MROH2A: variants seen among roughly 807,000 people sequenced by gnomAD.
MROH2A encodes maestro heat like repeat family member 2A, also known as maestro heat-like repeat-containing protein family member 2A.
Under a neutral mutation model 200.4 loss-of-function variants are expected in MROH2A, and 174 were observed. That is an observed-to-expected ratio of 0.87 (90% CI 0.77 to 0.98). MROH2A has a LOEUF of 0.98. Among genes scored for constraint, MROH2A ranks in the 50% least tolerant of loss-of-function variants. The pLI, the probability that MROH2A is intolerant of heterozygous loss-of-function variation, is 0.00. For missense variants in MROH2A, 2,045 were observed against 2,139.6 expected (o/e 0.96, Z 0.87); for synonymous variants, 829 against 840.4 (o/e 0.99, Z 0.23).
At chr2:233,797,938 A>T (rs1193467590) in intron 11 of MROH2A, among the ~76,000 whole-genome samples, 1 of 152,190 alleles carries the variant, frequency 6.6e-6, no homozygotes, top group African/African-American at 2.4e-5. Context: ...CTATGCAGCC[A>T]TATACTATTT....
Position 233,832,171 on chromosome 2 carries a change from T to C in MROH2A, c.4735-6T>C. The stretch of plus-strand genomic sequence containing the variant: ...CAAAGCTGTGTGTATCACTTACTTT[T>C]TGCAGACTCGGAAAAAGCCGGCTGT... On this transcript the variant is annotated splice_region_variant and splice_polypyrimidine_tract_variant and intron_variant, in intron 39 of 41. Transcript: ENST00000389758. The C allele has an allele frequency of 1.3e-6, 2 of 1,550,156 alleles. No individual in the cohort carries two copies. Among genetic ancestry groups the C allele is most frequent in the East Asian group, 4.9e-5 (2 of 40,920 alleles).
Position 233,828,685 on chromosome 2 carries a change from T to C in MROH2A, c.4169T>C (p.Leu1390Pro). 4.5e-6 allele frequency: 7 copies of C among 1,550,742 alleles called. No individual in the cohort carries two copies. The highest frequency in any genetic ancestry group is 5.2e-6 in the Non-Finnish European group (6 of 1,147,022). Residue 1390 changes from leucine to proline, a missense_variant, in exon 36 of 42, where the codon CTG becomes CCG. Physicochemically the swap from Leu to Pro is moderately conservative, Grantham distance 98 (BLOSUM62 -3). Coordinates refer to ENST00000389758, the MANE Select transcript of MROH2A (RefSeq NM_001394639.1). This position sits in a 1 kb window ranked among gnomAD's most constrained non-coding sequence, Gnocchi z 4.6. Reference sequence around the variant, plus strand: ...AAGCTGCTGAAGCCGGCAGCTTTGCTGCTGGAGAAGGGTGCCGACCAGGAG... The same window carrying C: ...AAGCTGCTGAAGCCGGCAGCTTTGCCGCTGGAGAAGGGTGCCGACCAGGAG... ...QEKLLKPAAL[L>P]LEKGADQEED...
At chr2:233,809,849 C>G (rs974622984) in intron 22 of MROH2A, among the ~76,000 whole-genome samples, 1 of 152,072 alleles carries the variant, frequency 6.6e-6, no homozygotes, top group Non-Finnish European at 1.5e-5. Context: ...CCATCTGTCT[C>G]CAGAATTCTT....
At chr2:233,814,535 T>G in intron 25 of MROH2A, 47 bp from the exon 26 acceptor site, 1 of 1,410,076 alleles carries the variant, frequency 7.1e-7, no homozygotes. Flanking sequence ...AGGGGGGTTG[T>G]GGGTGCCCCT....
chr2:233,799,296 C>T (rs527638627), intron 12 of MROH2A, among the ~76,000 whole-genome samples: 5 of 152,194 alleles, frequency 3.3e-5, no homozygotes, highest in Middle Eastern at 3.4e-3. Context: ...AAGGGAGGTC[C>T]GGCATAGTGA....
chr2:233,821,786 G>A (rs1703951997), intron 31 of MROH2A, among the ~76,000 whole-genome samples: 1 of 152,104 alleles, frequency 6.6e-6, no homozygotes, highest in South Asian at 2.1e-4. Flanking sequence ...CAACCAACCT[G>A]ATGCAAATTG....
intron 19 of MROH2A, among the ~76,000 whole-genome samples, chr2:233,805,533 T>TC (rs1382783488): frequency 2.2e-4 from 34 of 152,144 alleles, no homozygotes; most frequent in African/African-American, 7.7e-4. Context: ...AAGCTAGTTC[T>TC]TTTTTTTGAT....
rs1486817510 is a variant in MROH2A, at chr2:233,800,809, A to G, written c.1560+494A>G. On this transcript the variant is annotated intron_variant, in intron 14 of 41. Coordinates refer to ENST00000389758, the MANE Select transcript of MROH2A (RefSeq NM_001394639.1). The stretch of plus-strand genomic sequence containing the variant: ...AGTTCACAGACTATGGGAGAAACAA[A>G]TGTGTCAACTTTTAATTGCAACAAA... 3.3e-5 allele frequency among the ~76,000 whole-genome samples: 5 copies of G among 152,060 alleles called. No homozygotes were observed. In the East Asian group the frequency reaches 9.7e-4, roughly 29 times the overall value.
rs1043522141 is a variant in MROH2A, at chr2:233,832,035, C to A, written c.4735-142C>A. On this transcript the variant is annotated intron_variant, in intron 39 of 41. Transcript: ENST00000389758. ...TGGTGGCCAGTGGTCCTTCACTTGC[C>A]AGCTACTCACCTGCTGTGTGACGCT... The A allele has an allele frequency of 6.1e-6, 4 of 654,374 alleles. No homozygotes were observed. The African/African-American group carries it at 7.3e-5, about 12-fold the overall frequency. 40.5% of individuals were successfully genotyped at this position (654,374 alleles called of 1,614,324 possible).
chr2:233,819,360 T>C lies in MROH2A; in HGVS notation c.3248T>C (p.Ile1083Thr). 1 of 1,550,530 alleles carries C rather than the reference T, an allele frequency of 6.4e-7. No homozygotes were observed. Among genetic ancestry groups the C allele is most frequent in the Non-Finnish European group, 8.7e-7 (1 of 1,146,946 alleles). Reference sequence around the variant, plus strand: ...AGCTGCGATGAGGTGGTCTCGCTCATCCAGAAGCTCTGCGAGAACACTGGG... The same window carrying C: ...AGCTGCGATGAGGTGGTCTCGCTCACCCAGAAGCTCTGCGAGAACACTGGG... ...EFSCDEVVSL[I>T]QKLCENTGAM... The change falls in exon 30 of 42, where the codon ATC becomes ACC. Residue 1083 changes from isoleucine to threonine, a missense_variant. This residue lies in a region of MROH2A where 1,201 missense variants were observed against 1,311.3 expected (regional missense o/e 0.92). Coordinates refer to ENST00000389758, the MANE Select transcript of MROH2A (RefSeq NM_001394639.1).
chr2:233,819,342 A>C lies in MROH2A; in HGVS notation c.3230A>C (p.Asp1077Ala). Reference protein sequence around the residue: ...AKVVCMEFSCDEVVSLIQKLC... With the variant: ...AKVVCMEFSCAEVVSLIQKLC... ...GTGGTCTGCATGGAGTTTAGCTGCG[A>C]TGAGGTGGTCTCGCTCATCCAGAAG... Residue 1077 changes from aspartate (D) to alanine (A), a missense_variant, in exon 30 of 42, where the codon GAT becomes GCT. This residue lies in a region of MROH2A where 1,201 missense variants were observed against 1,311.3 expected (regional missense o/e 0.92). Transcript: ENST00000389758. The C allele has an allele frequency of 1.9e-6, 3 of 1,550,496 alleles. No homozygotes were observed. The highest frequency in any genetic ancestry group is 2.6e-6 in the Non-Finnish European group (3 of 1,146,892).
At position 233,807,360 on chromosome 2, in the gene MROH2A, C is replaced by A; in HGVS notation, c.2053-63C>A. ...AAAATACGTAGAAAACTCTCTACAA[C>A]AGCACCCCCTGAAGGCTGGCTGTAG... On this transcript the variant is annotated intron_variant, in intron 19 of 41. Transcript: ENST00000389758. This position sits in a 1 kb window ranked among gnomAD's most constrained non-coding sequence, Gnocchi z 4.3. The A allele has an allele frequency of 4.0e-6, 6 of 1,482,880 alleles. No individual in the cohort carries two copies. The highest frequency in any genetic ancestry group is 5.4e-6 in the Non-Finnish European group (6 of 1,108,392). 91.9% of individuals were successfully genotyped at this position (1,482,880 alleles called of 1,614,324 possible).
chr2:233,817,917 A>C (rs1323624691), intron 27 of MROH2A, 85 bp from the exon 28 acceptor site: 1 of 1,498,976 alleles, frequency 6.7e-7, no homozygotes, highest in East Asian at 2.5e-5. Context: ...TTGCCCTATC[A>C]AGTTGTCCTT....
rs1019130190 is a variant in MROH2A at position 233,795,980 on chromosome 2, C to A, written c.1073C>A (p.Ala358Asp). The A allele has an allele frequency of 3.2e-6, 5 of 1,550,582 alleles. No homozygotes were observed. The change falls in exon 10 of 42, where the codon GCC becomes GAC. Residue 358 changes from alanine (A) to aspartate (D), a missense_variant. By Grantham distance (126) the Ala-to-Asp change is moderately radical. Around this residue, in one of 3 missense-constraint regions of MROH2A, gnomAD observed 831 missense variants for 800.0 expected, o/e 1.04. Coordinates refer to ENST00000389758, the MANE Select transcript of MROH2A (RefSeq NM_001394639.1). The stretch of plus-strand genomic sequence containing the variant: ...GTCCCTCACCAGGTGTGCAACAAGG[C>A]CCCGGCCCAGCATCAGTACAGCAGC... Reference protein sequence around the residue: ...TELHVQVCNKAPAQHQYSSQN... With the variant: ...TELHVQVCNKDPAQHQYSSQN...
chr2:233,788,023 C>T (rs1254580231), intron 3 of MROH2A, among the ~76,000 whole-genome samples: 5 of 61,140 alleles, frequency 8.2e-5, no homozygotes, highest in African/African-American at 3.0e-4. Context: ...ATTATATATA[C>T]ATATATTATA....
In MROH2A at chr2:233,793,658, T is replaced by C; in HGVS notation, c.671-15T>C. The C allele has an allele frequency of 1.5e-6, 2 of 1,370,074 alleles. No homozygotes were observed. Among genetic ancestry groups the C allele is most frequent in the African/African-American group, 1.5e-5 (1 of 66,412 alleles). The allele number at this position is 1,370,074 out of a possible 1,614,324, so 84.9% of individuals were successfully genotyped here. On this transcript the variant is annotated splice_polypyrimidine_tract_variant and intron_variant, in intron 6 of 41. Coordinates refer to ENST00000389758, the MANE Select transcript of MROH2A (RefSeq NM_001394639.1). ...CCCTCTGGCGCCAAGTGCATTCCCC[T>C]GTTGCTGTTGGTAGCCATGGAGACC...
intron 35 of MROH2A, among the ~76,000 whole-genome samples, chr2:233,824,455 TC>T (rs1481326602): frequency 6.6e-6 from 1 of 152,216 alleles, no homozygotes; most frequent in Admixed American, 6.5e-5. Flanking sequence ...CTGTAAATCT[TC>T]AAAATGAGGA....
intron 7 of MROH2A, 132 bp downstream of exon 7, chr2:233,793,956 T>A: frequency 1.1e-6 from 1 of 916,900 alleles, no homozygotes; most frequent in Non-Finnish European, 1.5e-6. Flanking sequence ...GTGACCTGAC[T>A]CATGGCAGAG....
rs534354764 is a variant in MROH2A, at chr2:233,829,678, T to C, written c.4505T>C (p.Val1502Ala). The C allele has an allele frequency of 1.3e-6, 2 of 1,491,742 alleles. No homozygotes were observed. Among genetic ancestry groups the C allele is most frequent in the Non-Finnish European group, 1.8e-6 (2 of 1,118,362 alleles). 92.4% of individuals were successfully genotyped at this position (1,491,742 alleles called of 1,614,324 possible). A position where few individuals can be genotyped will look rare whatever the true frequency, so the allele number is the denominator to read the frequency against. Reference sequence around the variant, plus strand: ...CTCTTTGGAAAGCTGGCAAGGGTGGTCGGGATGTCCAAGAAGCATTTCTTC... The same window carrying C: ...CTCTTTGGAAAGCTGGCAAGGGTGGCCGGGATGTCCAAGAAGCATTTCTTC... ...FILFGKLARV[V>A]GMSKKHFFKG... The change falls in exon 38 of 42, where the codon GTC becomes GCC. Residue 1502 changes from valine (V) to alanine (A), a missense_variant. Transcript: ENST00000389758.
Sources: allele counts gnomAD v4.1 joint callset (sites outside exome capture counted in the v4.1 genomes callset), GRCh38; gene constraint gnomAD v4.1.1; regional missense constraint gnomAD v4.1.1; non-coding constraint Gnocchi (gnomAD v3.1); transcripts MANE v1.5; gene names NCBI Gene and HGNC (gene_info 2026-07-23, HGNC 2026-07-21).